The following GNA14 variants were observed in gnomAD, a reference collection of about 807,000 sequenced individuals.
GNA14 encodes the protein guanine nucleotide-binding protein subunit alpha-14.
A neutral mutation model predicts 42.0 loss-of-function variants in GNA14; 50 were observed. That is an observed-to-expected ratio of 1.19 (90% CI 0.95 to 1.51). GNA14 has a LOEUF of 1.51. Ranked by LOEUF, GNA14 falls within the 40% of genes most tolerant of loss-of-function variation. The pLI is 0.00. For missense variants in GNA14, 473 were observed against 446.2 expected (o/e 1.06, Z -0.54); for synonymous variants, 173 against 163.1 (o/e 1.06, Z -0.46).
intron 1 of GNA14, among the ~76,000 whole-genome samples, chr9:77,569,729 G>A (rs978735282): frequency 6.6e-6 from 1 of 152,012 alleles, no homozygotes; most frequent in Admixed American, 6.6e-5. Context: ...ATCTCCTCTT[G>A]GAGGAGGGTA....
intron 2 of GNA14, 117 bp downstream of exon 2, chr9:77,528,952 C>A: frequency 2.3e-6 from 2 of 855,652 alleles, no homozygotes; most frequent in East Asian, 4.9e-5. Flanking sequence ...ATCCCCACAC[C>A]CCAGGGAACA....
At chr9:77,475,559 G>T (rs912235714) in intron 2 of GNA14, among the ~76,000 whole-genome samples, 1 of 152,224 alleles carries the variant, frequency 6.6e-6, no homozygotes, top group African/African-American at 2.4e-5. Context: ...TGTGAAGGCA[G>T]TAAGTGGTCT....
At chr9:77,619,385 T>C (rs112256397) in intron 1 of GNA14, among the ~76,000 whole-genome samples, 1,792 of 152,144 alleles carry the variant, frequency 0.012, 45 homozygotes, top group African/African-American at 0.041. Flanking sequence ...ATTTTTAGTA[T>C]AGACAAGATT....
chr9:77,458,401 C>T lies in GNA14; in HGVS notation c.310-23879G>A, dbSNP rs368020726. ...TGTGGCGGACTAGGAATGCGCTGGCCACGCGCGCCTGAACCTGCAGTGGGT... is the reference window on the plus strand; with the variant it reads ...TGTGGCGGACTAGGAATGCGCTGGCTACGCGCGCCTGAACCTGCAGTGGGT... On this transcript the variant is annotated intron_variant, in intron 2 of 6. Transcript: ENST00000341700. Among the ~76,000 whole-genome samples, 4 of 152,226 alleles carry T rather than the reference C, an allele frequency of 2.6e-5. No homozygotes were observed. The South Asian group carries it at 8.3e-4, about 32-fold the overall frequency.
intron 1 of GNA14, among the ~76,000 whole-genome samples, chr9:77,600,424 C>T (rs1449698070): frequency 6.6e-6 from 1 of 152,138 alleles, no homozygotes; most frequent in South Asian, 2.1e-4. Flanking sequence ...TGCTACCTGG[C>T]GTACACAGGT....
rs1022796778 is a variant in GNA14 at position 77,630,969 on chromosome 9, G to C, written c.124+16701C>G. 3.9e-5 allele frequency among the ~76,000 whole-genome samples: 6 copies of C among 152,134 alleles called. No individual in the cohort carries two copies. In the South Asian group the frequency reaches 1.0e-3, roughly 26 times the overall value. ...GTCTATTTTTTTCTGCCTTAGGATTGCAAAAAATTTGGAAAGAATTCCCAG... is the reference window on the plus strand; with the variant it reads ...GTCTATTTTTTTCTGCCTTAGGATTCCAAAAAATTTGGAAAGAATTCCCAG... On this transcript the variant is annotated intron_variant, in intron 1 of 6. Coordinates refer to ENST00000341700, the MANE Select transcript of GNA14 (RefSeq NM_004297.4).
chr9:77,647,607 G>C (rs927418796), intron 1 of GNA14, 63 bp downstream of exon 1: 3 of 1,545,496 alleles, frequency 1.9e-6, no homozygotes, highest in East Asian at 2.4e-5. Context: ...TGCCAGTGGA[G>C]AGGCCGGGAG....
chr9:77,519,409 T>A (rs560840837), intron 2 of GNA14, among the ~76,000 whole-genome samples: 2 of 151,978 alleles, frequency 1.3e-5, no homozygotes, highest in South Asian at 4.2e-4. Context: ...AGACTCTGCC[T>A]CAAAAGAAGA....
At chr9:77,605,925 A>G (rs916589166) in intron 1 of GNA14, among the ~76,000 whole-genome samples, 3 of 152,200 alleles carry the variant, frequency 2.0e-5, no homozygotes, top group Non-Finnish European at 4.4e-5. Context: ...AAACAAAACT[A>G]GGTAAGAGAC....
intron 2 of GNA14, among the ~76,000 whole-genome samples, chr9:77,488,835 G>A (rs1286924342): frequency 2.3e-5 from 3 of 132,456 alleles, no homozygotes; most frequent in Admixed American, 7.3e-5. Context: ...AGAGAAGACT[G>A]GAATTAATAA....
chr9:77,462,180 T>C (rs1836119954), intron 2 of GNA14, among the ~76,000 whole-genome samples: 1 of 152,130 alleles, frequency 6.6e-6, no homozygotes, highest in Non-Finnish European at 1.5e-5. Flanking sequence ...TCATCAGATG[T>C]TCACCAGTCT....
chr9:77,480,819 T>C (rs1488971692), intron 2 of GNA14, among the ~76,000 whole-genome samples: 1 of 152,236 alleles, frequency 6.6e-6, no homozygotes, highest in Non-Finnish European at 1.5e-5. Flanking sequence ...TTCTAGATTT[T>C]CTAGTTTATT....
At chr9:77,605,120 A>G (rs1359647487) in intron 1 of GNA14, among the ~76,000 whole-genome samples, 4 of 152,184 alleles carry the variant, frequency 2.6e-5, no homozygotes, top group African/African-American at 9.7e-5. Context: ...CTCAACATGA[A>G]CTTTTTCGTT....
At chr9:77,440,748 G>C (rs1027524192) in intron 2 of GNA14, among the ~76,000 whole-genome samples, 1 of 151,784 alleles carries the variant, frequency 6.6e-6, no homozygotes, top group Non-Finnish European at 1.5e-5. Context: ...ATGCAGTCTT[G>C]CTCTGTCCCC....
chr9:77,545,381 G>A (rs7033316), intron 1 of GNA14, among the ~76,000 whole-genome samples: 54,556 of 152,130 alleles, frequency 0.36, 14,007 homozygotes, highest in African/African-American at 0.73. Flanking sequence ...AAGCTAAGAA[G>A]TCATTCTCTT....
chr9:77,638,806 C>G lies in GNA14; in HGVS notation c.124+8864G>C, dbSNP rs1354708509. 3.9e-5 allele frequency among the ~76,000 whole-genome samples: 6 copies of G among 152,126 alleles called. No individual in the cohort carries two copies. In the South Asian group the frequency reaches 6.2e-4, roughly 16 times the overall value. ...CTGCAATAACGCAGGTGAATTGCAG[C>G]TTTGGATAGGGGAAGAAGTGGTGAG... On this transcript the variant is annotated intron_variant, in intron 1 of 6. Transcript: ENST00000341700.
chr9:77,464,377 G>GTA (rs1342072030), intron 2 of GNA14, among the ~76,000 whole-genome samples: 2,652 of 150,518 alleles, frequency 0.018, 60 homozygotes, highest in African/African-American at 0.041. Flanking sequence ...GTGTGTGTGT[G>GTA]TGTGTGTGTG....
At chr9:77,579,940 A>T (rs1434114988) in intron 1 of GNA14, among the ~76,000 whole-genome samples, 1 of 152,152 alleles carries the variant, frequency 6.6e-6, no homozygotes, top group African/African-American at 2.4e-5. Flanking sequence ...ATTCATTCAA[A>T]ATCTATTAAG....
intron 1 of GNA14, among the ~76,000 whole-genome samples, chr9:77,602,707 G>GT (rs927316032): frequency 3.8e-4 from 56 of 147,802 alleles, no homozygotes; most frequent in South Asian, 6.5e-4. Context: ...TAATGGTTTT[G>GT]TTTTTTTTTT....
Sources: allele counts gnomAD v4.1 joint callset (sites outside exome capture counted in the v4.1 genomes callset), GRCh38; gene constraint gnomAD v4.1.1; transcripts MANE v1.5; gene names NCBI Gene and HGNC (gene_info 2026-07-23, HGNC 2026-07-21).